AUH: variants seen among roughly 807,000 people sequenced by gnomAD.
The protein encoded by AUH is methylglutaconyl-CoA hydratase, mitochondrial.
In AUH, 29 loss-of-function variants were observed where a neutral mutation model predicts 42.3. The ratio of observed to expected loss-of-function variants is 0.69; its 90% CI spans 0.51 to 0.93. The LOEUF is 0.93. Ranked by LOEUF, AUH falls within the 40% of genes least tolerant of loss-of-function variation. The pLI is 0.00. For synonymous variants in AUH, 174 were observed against 166.4 expected (o/e 1.05, Z -0.35); for missense variants, 452 against 438.1 (o/e 1.03, Z -0.28).
At chr9:91,234,496 C>G (rs1828067633) in intron 6 of AUH, among the ~76,000 whole-genome samples, 1 of 151,932 alleles carries the variant, frequency 6.6e-6, no homozygotes, top group African/African-American at 2.4e-5. Context: ...TTTAGGGTAG[C>G]CAGAGTCAAT....
intron 6 of AUH, among the ~76,000 whole-genome samples, chr9:91,244,847 C>G (rs1828708885): frequency 6.6e-6 from 1 of 152,110 alleles, no homozygotes; most frequent in Non-Finnish European, 1.5e-5. Context: ...ATGGATTTAC[C>G]AAGGTGCACC....
chr9:91,347,191 C>T (rs1587911086), intron 3 of AUH, among the ~76,000 whole-genome samples: 2 of 149,120 alleles, frequency 1.3e-5, no homozygotes, highest in South Asian at 4.4e-4. Flanking sequence ...GAATGTGCCA[C>T]CACACCCAGT....
chr9:91,280,689 G>C (rs1006928961), intron 6 of AUH, among the ~76,000 whole-genome samples: 2 of 152,026 alleles, frequency 1.3e-5, no homozygotes, highest in African/African-American at 4.8e-5. Context: ...CTTTTCTCCA[G>C]GAGCAGTAAT....
rs1827737637 is a variant in AUH, at chr9:91,229,521, G to C, written c.656-8529C>G. Among the ~76,000 whole-genome samples the C allele has an allele frequency of 2.7e-5, 4 of 150,570 alleles. No homozygotes were observed. In the South Asian group the frequency reaches 8.4e-4, roughly 32 times the overall value. ...GACTCTTTATCCAATTTGCCAGTCT[G>C]TGTCTTTTAATTGGAGCATTTAGTC... is the stretch of plus-strand genomic sequence containing the variant. On this transcript the variant is annotated intron_variant, in intron 6 of 9. Coordinates refer to ENST00000375731, the MANE Select transcript of AUH (RefSeq NM_001698.3).
chr9:91,345,643 C>T (rs569334077), intron 3 of AUH, among the ~76,000 whole-genome samples: 5 of 151,796 alleles, frequency 3.3e-5, no homozygotes, highest in African/African-American at 1.2e-4. Flanking sequence ...ACCATCCTGG[C>T]TAATACGGTG....
At chr9:91,306,528 T>A (rs1207451301) in intron 4 of AUH, 1 of 229,366 alleles carries the variant, frequency 4.4e-6, no homozygotes, top group Non-Finnish European at 7.2e-6. Flanking sequence ...TCAGGCTCTG[T>A]AACCTTGTTA....
chr9:91,305,916 C>T (rs1828182607), intron 4 of AUH, among the ~76,000 whole-genome samples: 1 of 152,182 alleles, frequency 6.6e-6, no homozygotes, highest in Non-Finnish European at 1.5e-5. Context: ...TTCCATCCTT[C>T]CCCTAAGGAC....
intron 6 of AUH, among the ~76,000 whole-genome samples, chr9:91,293,132 C>T (rs1420010524): frequency 2.6e-5 from 4 of 152,156 alleles, no homozygotes; most frequent in African/African-American, 9.7e-5. Context: ...CATCTCTCTC[C>T]CTTTCCTTGG....
At chr9:91,285,180 A>C (rs543590847) in intron 6 of AUH, among the ~76,000 whole-genome samples, 1 of 152,252 alleles carries the variant, frequency 6.6e-6, no homozygotes, top group Admixed American at 6.5e-5. Flanking sequence ...TGAAGCTGGA[A>C]ATCATCATTC....
At chr9:91,331,530 T>A (rs143469689) in intron 3 of AUH, among the ~76,000 whole-genome samples, 122 of 152,370 alleles carry the variant, frequency 8.0e-4, no homozygotes, top group African/African-American at 2.7e-3. Flanking sequence ...TAATAACTTG[T>A]ATTGCTTTTG....
chr9:91,234,125 G>A (rs79607767), intron 6 of AUH, among the ~76,000 whole-genome samples: 3,793 of 152,190 alleles, frequency 0.025, 75 homozygotes, highest in East Asian at 0.058. Flanking sequence ...TTAAAATCCC[G>A]GTCTTGCTTT....
At chr9:91,229,866 G>C (rs528529342) in intron 6 of AUH, among the ~76,000 whole-genome samples, 48 of 151,854 alleles carry the variant, frequency 3.2e-4, no homozygotes, top group African/African-American at 1.1e-3. Flanking sequence ...TTTTCTTTAA[G>C]AATGTTGAAT....
intron 4 of AUH, among the ~76,000 whole-genome samples, chr9:91,322,929 T>C (rs1829693797): frequency 6.6e-6 from 1 of 152,220 alleles, no homozygotes; most frequent in Admixed American, 6.5e-5. Flanking sequence ...AGGCAAACGC[T>C]AACATACATC....
chr9:91,305,214 A>C (rs183114500), intron 4 of AUH, among the ~76,000 whole-genome samples: 67 of 150,494 alleles, frequency 4.5e-4, no homozygotes, highest in African/African-American at 1.6e-3. Context: ...GGAAAAGTTA[A>C]AAAAAAATTC....
chr9:91,328,106 G>A (rs565705198), intron 3 of AUH, among the ~76,000 whole-genome samples: 1 of 152,294 alleles, frequency 6.6e-6, no homozygotes, highest in South Asian at 2.1e-4. Flanking sequence ...GGCACTGAAG[G>A]AATCCTGTAA....
chr9:91,326,623 A>T (rs1400572121), intron 3 of AUH, among the ~76,000 whole-genome samples: 1 of 152,216 alleles, frequency 6.6e-6, no homozygotes, highest in African/African-American at 2.4e-5. Flanking sequence ...TAAAAACAAT[A>T]ATGCTATTCA....
chr9:91,286,695 G>C (rs1722946890), intron 6 of AUH, among the ~76,000 whole-genome samples: 1 of 145,006 alleles, frequency 6.9e-6, no homozygotes, highest in Non-Finnish European at 1.5e-5. Context: ...GAATGAGCAA[G>C]ACTCAGACAA....
At chr9:91,256,373 C>A (rs2131413334) in intron 6 of AUH, among the ~76,000 whole-genome samples, 1 of 152,184 alleles carries the variant, frequency 6.6e-6, no homozygotes, top group Non-Finnish European at 1.5e-5. Context: ...CTATCGAGAA[C>A]CCCAGATTCT....
chr9:91,301,916 T>C (rs1309197733), intron 4 of AUH, among the ~76,000 whole-genome samples: 5 of 152,228 alleles, frequency 3.3e-5, no homozygotes, highest in Non-Finnish European at 5.9e-5. Context: ...ATTAGCCTTG[T>C]AGAAAGCTGT....
Sources: allele counts gnomAD v4.1 joint callset (sites outside exome capture counted in the v4.1 genomes callset), GRCh38; gene constraint gnomAD v4.1.1; transcripts MANE v1.5; gene names NCBI Gene and HGNC (gene_info 2026-07-23, HGNC 2026-07-21).